DPYSL2: variants seen among roughly 807,000 people sequenced by gnomAD.
The protein encoded by DPYSL2 is dihydropyrimidinase-related protein 2.
Under a neutral mutation model 69.9 loss-of-function variants are expected in DPYSL2, and 13 were observed. That is an observed-to-expected ratio of 0.19 (90% CI 0.12 to 0.30). The LOEUF is 0.30. Among genes scored for constraint, DPYSL2 ranks in the 10% least tolerant of loss-of-function variants. DPYSL2 has a pLI of 1.00. For synonymous variants in DPYSL2, 326 were observed against 359.1 expected (o/e 0.91, Z 1.04); for missense variants, 587 against 918.9 (o/e 0.64, Z 4.67).
At chr8:26,548,022 TG>T in intron 1 of DPYSL2, 1 of 261,746 alleles carries the variant, frequency 3.8e-6, no homozygotes, top group Non-Finnish European at 7.8e-6. Flanking sequence ...GACAGAAGTC[TG>T]GACTCTCAAA....
intron 3 of DPYSL2, among the ~76,000 whole-genome samples, chr8:26,608,709 A>G (rs1449948366): frequency 1.3e-5 from 2 of 152,232 alleles, no homozygotes; most frequent in Non-Finnish European, 2.9e-5. Flanking sequence ...AAAAAGACCC[A>G]TTGAACCATT....
At chr8:26,584,060 T>A (rs1801545004) in intron 3 of DPYSL2, 77 bp downstream of exon 3, 1 of 1,470,208 alleles carries the variant, frequency 6.8e-7, no homozygotes, top group Admixed American at 2.0e-5. Context: ...TTTGATTCTC[T>A]CCTTCTAAAA....
chr8:26,523,654 A>G (rs1462459102), intron 1 of DPYSL2, among the ~76,000 whole-genome samples: 1 of 151,040 alleles, frequency 6.6e-6, no homozygotes, highest in African/African-American at 2.5e-5. Context: ...GAATTTCCTT[A>G]CTTTTTTTTT....
intron 11 of DPYSL2, among the ~76,000 whole-genome samples, chr8:26,649,350 G>T (rs1803235395): frequency 6.6e-6 from 1 of 152,166 alleles, no homozygotes; most frequent in African/African-American, 2.4e-5. Context: ...GCTATAAATG[G>T]CTGGCTGGGC....
At chr8:26,543,540 T>A (rs917413410) in intron 1 of DPYSL2, among the ~76,000 whole-genome samples, 2 of 151,026 alleles carry the variant, frequency 1.3e-5, no homozygotes, top group African/African-American at 4.9e-5. Context: ...CAGGCTGGAG[T>A]GCAATGGCAG....
chr8:26,615,210 C>G (rs191119152), intron 3 of DPYSL2, among the ~76,000 whole-genome samples: 2 of 152,124 alleles, frequency 1.3e-5, no homozygotes, highest in Non-Finnish European at 2.9e-5. Context: ...GGGGCCGTTG[C>G]GAGGATTAAA....
intron 1 of DPYSL2, among the ~76,000 whole-genome samples, chr8:26,530,030 T>C (rs1205921193): frequency 6.8e-6 from 1 of 147,008 alleles, no homozygotes; most frequent in African/African-American, 2.5e-5. Flanking sequence ...GAGAATTGCT[T>C]GAGCCCGGGA....
At chr8:26,536,719 G>T (rs1464578749) in intron 1 of DPYSL2, among the ~76,000 whole-genome samples, 9 of 152,162 alleles carry the variant, frequency 5.9e-5, no homozygotes, top group Admixed American at 5.9e-4. Flanking sequence ...AGGTGGGCAT[G>T]ACATGAATAG....
chr8:26,545,217 T>C (rs998498962), intron 1 of DPYSL2, among the ~76,000 whole-genome samples: 1 of 152,298 alleles, frequency 6.6e-6, no homozygotes, highest in African/African-American at 2.4e-5. Context: ...CACATTTTTC[T>C]CAGGCACACA....
rs189828613 is a variant in DPYSL2, at chr8:26,595,862, C to T, written c.628+11879C>T. On this transcript the variant is annotated intron_variant, in intron 3 of 13. Transcript: ENST00000521913. ...AGTATGGACCCAGCAGAACTGAAAGCAAAGGGAGGACCCATTATTAGCCAG... is the reference window on the plus strand; with the variant it reads ...AGTATGGACCCAGCAGAACTGAAAGTAAAGGGAGGACCCATTATTAGCCAG... Among the ~76,000 whole-genome samples, 7 of 152,222 alleles carry T rather than the reference C, an allele frequency of 4.6e-5. No homozygotes were observed. The East Asian group carries it at 1.4e-3, about 29-fold the overall frequency.
At position 26,522,146 on chromosome 8, in the gene DPYSL2, G is replaced by A. The variant is rs547944078; in HGVS notation, c.354+7467G>A. On this transcript the variant is annotated intron_variant, in intron 1 of 13. Coordinates refer to ENST00000521913, the MANE Select transcript of DPYSL2 (RefSeq NM_001197293.3). ...AACATGGTGAAACCCCATCTCTACC[G>A]AAAATACAAAAATTAGCCGGGCACG... Among the ~76,000 whole-genome samples the A allele has an allele frequency of 5.9e-4, 90 of 151,996 alleles. 1 individual carries two copies. Among genetic ancestry groups the A allele is most frequent in the Non-Finnish European group, 1.2e-3 (81 of 67,986 alleles).
At chr8:26,553,518 G>A (rs577040084) in intron 1 of DPYSL2, among the ~76,000 whole-genome samples, 3 of 152,296 alleles carry the variant, frequency 2.0e-5, no homozygotes, top group South Asian at 4.1e-4. Flanking sequence ...TGAGGATGAT[G>A]TCTTCCAGCT....
rs1801058721 is a variant in DPYSL2, at chr8:26,560,825, GT to G, written c.355-21142del. Among the ~76,000 whole-genome samples the G allele has an allele frequency of 6.6e-6, 1 of 152,198 alleles. No homozygotes were observed. Among genetic ancestry groups the G allele is most frequent in the African/African-American group, 2.4e-5 (1 of 41,444 alleles). ...ATCTATGTAAGTATAATCACCAGCA[GT>G]TACAAAGTGCTGGTTCCACCCATTT... On this transcript the variant is annotated intron_variant, in intron 1 of 13. Transcript: ENST00000521913. This position sits in a 1 kb window ranked among gnomAD's most constrained non-coding sequence, Gnocchi z 4.4.
chr8:26,516,984 G>A lies in DPYSL2; in HGVS notation c.354+2305G>A, dbSNP rs1003176817. ...CCCACCATTTTGACTGAGTTGACTTGTCATTAGTTGGTTTTCAACGAATGA... is the reference window on the plus strand; with the variant it reads ...CCCACCATTTTGACTGAGTTGACTTATCATTAGTTGGTTTTCAACGAATGA... On this transcript the variant is annotated intron_variant, in intron 1 of 13. Coordinates refer to ENST00000521913, the MANE Select transcript of DPYSL2 (RefSeq NM_001197293.3). The surrounding 1 kb of genome is among the most constrained non-coding windows in gnomAD (Gnocchi z 4.8). Among the ~76,000 whole-genome samples, 1 of 152,196 alleles carries A rather than the reference G, an allele frequency of 6.6e-6. No homozygotes were observed. Among genetic ancestry groups the A allele is most frequent in the African/African-American group, 2.4e-5 (1 of 41,454 alleles).
At position 26,597,878 on chromosome 8, in the gene DPYSL2, G is replaced by A. The variant is rs1276491786; in HGVS notation, c.628+13895G>A. Among the ~76,000 whole-genome samples the A allele has an allele frequency of 2.6e-5, 4 of 151,260 alleles. No individual in the cohort carries two copies. Among genetic ancestry groups the A allele is most frequent in the African/African-American group, 4.9e-5 (2 of 41,190 alleles). The stretch of plus-strand genomic sequence containing the variant: ...GGGTATTGTTTTTCTCCTTTATGGA[G>A]ATAATCCAGGGAGAAACATGAAGTG... On this transcript the variant is annotated intron_variant, in intron 3 of 13. Transcript: ENST00000521913. The surrounding 1 kb of genome is among the most constrained non-coding windows in gnomAD (Gnocchi z 5.2).
At chr8:26,526,121 G>A (rs1043950023) in intron 1 of DPYSL2, among the ~76,000 whole-genome samples, 2 of 151,996 alleles carry the variant, frequency 1.3e-5, no homozygotes, top group African/African-American at 4.8e-5. Flanking sequence ...TCGAGATGAA[G>A]TCTTGCTGTG....
At chr8:26,574,409 C>T (rs1248710412) in intron 1 of DPYSL2, among the ~76,000 whole-genome samples, 1 of 152,168 alleles carries the variant, frequency 6.6e-6, no homozygotes, top group South Asian at 2.1e-4. Flanking sequence ...GCATTCTTCC[C>T]ACTCATGGAT....
chr8:26,640,304 A>G lies in DPYSL2; in HGVS notation c.1127-3135A>G, dbSNP rs77434938. On this transcript the variant is annotated intron_variant, in intron 8 of 13. Coordinates refer to ENST00000521913, the MANE Select transcript of DPYSL2 (RefSeq NM_001197293.3). The surrounding 1 kb of genome is among the most constrained non-coding windows in gnomAD (Gnocchi z 4.2). ...TTCTTGGCCTTATAGAGAGCCTGCC[A>G]GAGGCTGGCTTGGTCACATCCTTCA... Among the ~76,000 whole-genome samples, 827 of 152,372 alleles carry G rather than the reference A, an allele frequency of 5.4e-3. 3 individuals are homozygous for G. The highest frequency in any genetic ancestry group is 8.7e-3 in the Non-Finnish European group (594 of 68,030).
At chr8:26,555,004 G>C (rs146918660) in intron 1 of DPYSL2, among the ~76,000 whole-genome samples, 1 of 151,838 alleles carries the variant, frequency 6.6e-6, no homozygotes, top group African/African-American at 2.4e-5. Context: ...GCACGCTAAA[G>C]AAGAAAAAAA....
Sources: allele counts gnomAD v4.1 joint callset (sites outside exome capture counted in the v4.1 genomes callset), GRCh38; gene constraint gnomAD v4.1.1; non-coding constraint Gnocchi (gnomAD v3.1); transcripts MANE v1.5; gene names NCBI Gene and HGNC (gene_info 2026-07-23, HGNC 2026-07-21).